The following PRKN variants were observed in gnomAD, a reference collection of about 807,000 sequenced individuals.
The protein encoded by PRKN is E3 ubiquitin-protein ligase parkin.
A neutral mutation model predicts 59.5 loss-of-function variants in PRKN; 56 were observed. The observed-to-expected ratio is 0.94, with a 90% CI of 0.76 to 1.18. The LOEUF (loss-of-function observed/expected upper bound fraction) is 1.18. Ranked by LOEUF, PRKN falls within the 50% of genes most tolerant of loss-of-function variation. The pLI, the probability that PRKN is intolerant of heterozygous loss-of-function variation, is 0.00. For missense variants in PRKN, 657 were observed against 596.4 expected, an observed-to-expected ratio of 1.10 and a Z score of -1.06; for synonymous variants, 250 against 222.1, an observed-to-expected ratio of 1.13 and a Z score of -1.12.
chr6:162,521,841 A>T, intron 1 of PRKN, among the ~76,000 whole-genome samples: 1 of 152,184 alleles, frequency 6.6e-6, no homozygotes, highest in East Asian at 1.9e-4. Flanking sequence ...GATTAAGAAA[A>T]CCTAAGCAAA....
intron 4 of PRKN, among the ~76,000 whole-genome samples, chr6:162,135,522 G>C (rs1448989428): frequency 6.6e-6 from 1 of 152,096 alleles, no homozygotes; most frequent in Non-Finnish European, 1.5e-5. Context: ...AACAGAAAGA[G>C]AAAAAGTGCT....
In PRKN at chr6:161,726,092, G is replaced by A. The variant is rs560621180; in HGVS notation, c.871+59680C>T. 2.6e-5 allele frequency among the ~76,000 whole-genome samples: 4 copies of A among 152,306 alleles called. No homozygotes were observed. The South Asian group carries it at 6.2e-4, about 24-fold the overall frequency. The stretch of plus-strand genomic sequence containing the variant: ...GGCATAAAGTTAGTCTGAGGCTCTC[G>A]TCAATGTGCACCTTGTAAATCTGCG... On this transcript the variant is annotated intron_variant, in intron 7 of 11. Coordinates refer to ENST00000366898, the MANE Select transcript of PRKN (RefSeq NM_004562.3).
intron 2 of PRKN, among the ~76,000 whole-genome samples, chr6:162,312,769 C>T (rs1446646593): frequency 6.6e-6 from 1 of 152,138 alleles, no homozygotes; most frequent in Non-Finnish European, 1.5e-5. Context: ...TGTGCACACA[C>T]ACATGCCACA....
chr6:161,821,787 C>A (rs1792043816), intron 6 of PRKN, among the ~76,000 whole-genome samples: 1 of 111,790 alleles, frequency 8.9e-6, no homozygotes. Flanking sequence ...CTCATTCTGT[C>A]ACCCAGGCTG....
intron 4 of PRKN, among the ~76,000 whole-genome samples, chr6:162,149,701 AG>A (rs1782180383): frequency 6.6e-6 from 1 of 152,156 alleles, no homozygotes; most frequent in Non-Finnish European, 1.5e-5. Context: ...TTTCACTATC[AG>A]GGGCCAGAAA....
rs1253487616 is a variant in PRKN at position 161,409,206 on chromosome 6, A to G, written c.1084-22329T>C. Among the ~76,000 whole-genome samples the G allele has an allele frequency of 6.6e-6, 1 of 152,120 alleles. No homozygotes were observed. The highest frequency in any genetic ancestry group is 1.9e-4 in the East Asian group (1 of 5,198). On this transcript the variant is annotated intron_variant, in intron 9 of 11. Coordinates refer to ENST00000366898, the MANE Select transcript of PRKN (RefSeq NM_004562.3). This position sits in a 1 kb window ranked among gnomAD's most constrained non-coding sequence, Gnocchi z 4.6. ...TGATCCACCCGCACTGGACTCCCAA[A>G]CTGCTGGGATTACAGGTGTGAGCCA...
intron 2 of PRKN, among the ~76,000 whole-genome samples, chr6:162,342,290 G>A (rs1341167121): frequency 6.6e-6 from 1 of 152,114 alleles, no homozygotes; most frequent in Non-Finnish European, 1.5e-5. Context: ...CTACATGATT[G>A]CAATATAGTT....
intron 6 of PRKN, among the ~76,000 whole-genome samples, chr6:161,907,935 G>A (rs761064943): frequency 6.6e-6 from 1 of 151,994 alleles, no homozygotes; most frequent in Non-Finnish European, 1.5e-5. Flanking sequence ...AAAATTAGCC[G>A]GGTGTGGGGG....
At position 161,938,304 on chromosome 6, in the gene PRKN, G is replaced by A. The variant is rs566847914; in HGVS notation, c.734+34998C>T. Among the ~76,000 whole-genome samples, 874 of 152,304 alleles carry A rather than the reference G, an allele frequency of 5.7e-3. 2 individuals are homozygous for A. The highest frequency in any genetic ancestry group is 0.014 in the Admixed American group (212 of 15,290). On this transcript the variant is annotated intron_variant, in intron 6 of 11. Coordinates refer to ENST00000366898, the MANE Select transcript of PRKN (RefSeq NM_004562.3). The stretch of plus-strand genomic sequence containing the variant: ...AATACATTTTCAGGACTTCAAGAGA[G>A]TTTACCCAAATTTACATGTTATACA...
intron 9 of PRKN, among the ~76,000 whole-genome samples, chr6:161,536,948 AG>A (rs1779436855): frequency 6.6e-6 from 1 of 152,212 alleles, no homozygotes; most frequent in Non-Finnish European, 1.5e-5. Flanking sequence ...ATCCCATTAC[AG>A]GAAGTTCTGG....
chr6:162,487,781 T>C (rs1792615474), intron 1 of PRKN, among the ~76,000 whole-genome samples: 1 of 152,078 alleles, frequency 6.6e-6, no homozygotes, highest in African/African-American at 2.4e-5. Context: ...AACTGTTTTA[T>C]AAAATAACGC....
chr6:161,659,001 C>T (rs1037383633), intron 7 of PRKN, among the ~76,000 whole-genome samples: 2 of 152,214 alleles, frequency 1.3e-5, no homozygotes, highest in African/African-American at 4.8e-5. Flanking sequence ...CCCTGGAACT[C>T]ATGTTGTGCT....
intron 10 of PRKN, among the ~76,000 whole-genome samples, chr6:161,375,805 G>A (rs530242411): frequency 9.4e-4 from 143 of 152,278 alleles, no homozygotes; most frequent in Non-Finnish European, 1.5e-3. Context: ...TTTTCACAGC[G>A]CAAGGCCGAG....
At chr6:161,983,682 C>T (rs1226289500) in intron 5 of PRKN, among the ~76,000 whole-genome samples, 10 of 69,536 alleles carry the variant, frequency 1.4e-4, no homozygotes, top group African/African-American at 6.2e-4. Flanking sequence ...CGCATATTCT[C>T]ACTCATAGGT....
intron 3 of PRKN, among the ~76,000 whole-genome samples, chr6:162,222,395 C>A (rs957374): frequency 6.6e-6 from 1 of 151,908 alleles, no homozygotes; most frequent in South Asian, 2.1e-4. Context: ...AACGAAGATA[C>A]GGAGATAGAG....
intron 9 of PRKN, among the ~76,000 whole-genome samples, chr6:161,472,508 C>T (rs1210174952): frequency 6.6e-6 from 1 of 152,138 alleles, no homozygotes; most frequent in East Asian, 1.9e-4. Context: ...CAAAAATCAA[C>T]TCAACATAGA....
chr6:162,698,769 T>A (rs1778055801), intron 1 of PRKN, among the ~76,000 whole-genome samples: 1 of 152,234 alleles, frequency 6.6e-6, no homozygotes, highest in Admixed American at 6.5e-5. Flanking sequence ...TGTCCAGGTT[T>A]TTATTTTGGA....
Position 161,459,544 on chromosome 6 carries a change from G to T in PRKN, c.1084-72667C>A, listed in dbSNP as rs888662650. Among the ~76,000 whole-genome samples the T allele has an allele frequency of 6.6e-6, 1 of 152,150 alleles. No homozygotes were observed. The highest frequency in any genetic ancestry group is 1.5e-5 in the Non-Finnish European group (1 of 68,024). On this transcript the variant is annotated intron_variant, in intron 9 of 11. Transcript: ENST00000366898. This position sits in a 1 kb window ranked among gnomAD's most constrained non-coding sequence, Gnocchi z 4.8. ...CCTGAATCCCTGGATCTGTTCACAG[G>T]AATGCCTAGAGCTTCTGGCACACAG...
In PRKN at chr6:161,433,889, C is replaced by T. The variant is rs144418762; in HGVS notation, c.1084-47012G>A. On this transcript the variant is annotated intron_variant, in intron 9 of 11. Transcript: ENST00000366898. ...AAAATTAGCCAGGCGTGGTGGCACA[C>T]GTCTGTAATCCCAGCTACTCGGGAG... Among the ~76,000 whole-genome samples the T allele has an allele frequency of 2.2e-3, 332 of 152,064 alleles. 8 individuals carry two copies. The East Asian group carries it at 0.044, about 20-fold the overall frequency.
Sources: gnomAD v4.1 joint callset for allele counts (sites outside exome capture counted in the v4.1 genomes callset) on GRCh38, gnomAD v4.1.1 for gene constraint, Gnocchi (gnomAD v3.1) non-coding constraint, MANE v1.5 for transcripts, NCBI Gene and HGNC (gene_info 2026-07-23, HGNC 2026-07-21) for gene names.